The following LY75 variants were observed in gnomAD, a reference collection of about 807,000 sequenced individuals.
LY75 encodes C-type lectin domain family 13 member B.
A neutral mutation model predicts 231.7 loss-of-function variants in LY75; 185 were observed. The ratio of observed to expected loss-of-function variants is 0.80; its 90% CI spans 0.71 to 0.90. The LOEUF (loss-of-function observed/expected upper bound fraction) is 0.90, where lower values mean the gene tolerates loss of function less well. LY75 is among the 40% of genes least tolerant of loss of function. LY75 has a pLI of 0.00. For synonymous variants in LY75, 668 were observed against 689.0 expected (o/e 0.97, Z 0.48); for missense variants, 1,947 against 2,050.2 (o/e 0.95, Z 0.97).
chr2:159,844,802 TTTTTA>T (rs1684153412), intron 23 of LY75, among the ~76,000 whole-genome samples: 1 of 149,630 alleles, frequency 6.7e-6, no homozygotes, highest in African/African-American at 2.5e-5. Context: ...TTTTTTTTTT[TTTTTA>T]AATTTCAGCT....
rs779633633 is a variant in LY75 at position 159,904,568 on chromosome 2, G to A, written c.94+21C>T. On this transcript the variant is annotated intron_variant, in intron 1 of 34. Coordinates refer to ENST00000263636, the MANE Select transcript of LY75 (RefSeq NM_002349.4). ...CGTCGAGGCACCCAGCGGACTGCGG[G>A]GCTGGCGTGCCCGCGGTTACCTGCG... 20 of 1,505,612 alleles carry A rather than the reference G, an allele frequency of 1.3e-5. No homozygotes were observed. The South Asian group carries it at 2.2e-4, about 17-fold the overall frequency. 93.3% of individuals were successfully genotyped at this position (1,505,612 alleles called of 1,614,324 possible).
rs141415107 is a variant in LY75, at chr2:159,875,458, G to A, written c.1960C>T (p.Leu654Phe). 4.2e-4 allele frequency: 670 copies of A among 1,613,186 alleles called. 5 individuals carry two copies. In the South Asian group the frequency reaches 6.6e-3, roughly 16 times the overall value. ...TGTCACTTTACCTTATAACAAGAAA[G>A]ACTTGCGGGGAAACTCTGCCAGCCT... ...PEGWQSFPAS[L>F]SCYKVFHAER... is the part of the protein sequence containing the mutation. Residue 654 changes from leucine (L) to phenylalanine (F), a missense_variant, in exon 12 of 35, where the codon CTT becomes TTT. Leu to Phe is a conservative substitution (Grantham distance 22). Coordinates refer to ENST00000263636, the MANE Select transcript of LY75 (RefSeq NM_002349.4).
intron 16 of LY75, among the ~76,000 whole-genome samples, chr2:159,858,107 C>T (rs910912081): frequency 1.3e-5 from 2 of 152,114 alleles, no homozygotes; most frequent in Non-Finnish European, 2.9e-5. Context: ...ATCTAATCTC[C>T]CTGAATGAGC....
chr2:159,898,853 C>G lies in LY75; in HGVS notation c.301G>C (p.Asp101His). 1 of 1,614,196 alleles carries G rather than the reference C, an allele frequency of 6.2e-7. No homozygotes were observed. The highest frequency in any genetic ancestry group is 8.5e-7 in the Non-Finnish European group (1 of 1,180,028). The change falls in exon 2 of 35, where the codon GAC becomes CAC. Residue 101 changes from aspartate to histidine, a missense_variant. Physicochemically the swap from Asp to His is moderately conservative, Grantham distance 81. Transcript: ENST00000263636. ...SVNELRMFSC[D>H]SSAMLWWKCE... is the part of the protein sequence containing the mutation. ...TTCCACCACAGCATGGCACTGGAGT[C>G]ACAGCTGAACATTCTCAGCTCATTT...
At chr2:159,895,189 A>G (rs1489553501) in intron 2 of LY75, among the ~76,000 whole-genome samples, 1 of 152,238 alleles carries the variant, frequency 6.6e-6, no homozygotes, top group Non-Finnish European at 1.5e-5. Context: ...GAATGTAATA[A>G]GCAGACCTAT....
Position 159,872,531 on chromosome 2 carries a change from T to G in LY75, c.2037A>C (p.Gln679His), listed in dbSNP as rs759849920. 1 of 1,614,038 alleles carries G rather than the reference T, an allele frequency of 6.2e-7. No homozygotes were observed. The highest frequency in any genetic ancestry group is 1.1e-5 in the South Asian group (1 of 91,086). Residue 679 changes from glutamine to histidine, a missense_variant, in exon 13 of 35, where the codon CAA (glutamine) becomes CAC (histidine). Transcript: ENST00000263636. ...AGCTAGAAAGGTGTGCTCCAAGGGC[T>G]TGGCAGAATCGTTCAGCTTCTTCCC... ...RNWEEAERFCQALGAHLSSFS... is the reference protein window; with the variant it reads ...RNWEEAERFCHALGAHLSSFS...
chr2:159,841,995 A>G (rs149571559), intron 24 of LY75, among the ~76,000 whole-genome samples: 3 of 152,126 alleles, frequency 2.0e-5, no homozygotes, highest in Non-Finnish European at 2.9e-5. Context: ...ATTTTAAGCC[A>G]TATGATTATA....
At chr2:159,843,490 A>ATTT (rs5835770) in intron 23 of LY75, among the ~76,000 whole-genome samples, 1 of 148,764 alleles carries the variant, frequency 6.7e-6, no homozygotes, top group Non-Finnish European at 1.5e-5. Flanking sequence ...AATAATGGCC[A>ATTT]TTTTTTTTTT....
chr2:159,805,921 G>A (rs1286955324), intron 34 of LY75, among the ~76,000 whole-genome samples: 1 of 151,986 alleles, frequency 6.6e-6, no homozygotes, highest in Non-Finnish European at 1.5e-5. Flanking sequence ...CCAAAGCTCT[G>A]TATGTCTAGC....
chr2:159,886,606 TAACA>T (rs1685594168), intron 4 of LY75, 76 bp from the exon 5 acceptor site: 2 of 1,408,388 alleles, frequency 1.4e-6, no homozygotes, highest in Non-Finnish European at 1.9e-6. Flanking sequence ...ATTCTACTAA[TAACA>T]AACAAATCTG....
At chr2:159,824,852 A>T (rs1191717620) in intron 28 of LY75, among the ~76,000 whole-genome samples, 1 of 36,446 alleles carries the variant, frequency 2.7e-5, no homozygotes, top group South Asian at 4.5e-4. Flanking sequence ...CTGCTCCTGA[A>T]TGACACTGGG....
In LY75 at chr2:159,840,187, A is replaced by AAT. The variant is rs199941724; in HGVS notation, c.3507+540_3507+541dup. Among the ~76,000 whole-genome samples the AAT allele has an allele frequency of 5.7e-3, 870 of 151,892 alleles. 5 individuals carry two copies. The highest frequency in any genetic ancestry group is 0.017 in the Middle Eastern group (5 of 294). On this transcript the variant is annotated intron_variant, in intron 25 of 34. Coordinates refer to ENST00000263636, the MANE Select transcript of LY75 (RefSeq NM_002349.4). Reference sequence around the variant, plus strand: ...TAGAATAAATAAAAAGAAGTGCTCAAATATATATATATCTCCACCAGAACC... The same window carrying AAT: ...TAGAATAAATAAAAAGAAGTGCTCAAATATATATATATATCTCCACCAGAACC...
Position 159,904,750 on chromosome 2 carries a change from GCGGCC to G in LY75, c.-73_-69del. 3 of 1,337,764 alleles carry G rather than the reference GCGGCC, an allele frequency of 2.2e-6. No individual in the cohort carries two copies. In the South Asian group the frequency reaches 5.3e-5, roughly 24 times the overall value. 82.9% of individuals were successfully genotyped at this position (1,337,764 alleles called of 1,614,324 possible). On this transcript the variant is annotated 5_prime_UTR_variant, in exon 1 of 35. Coordinates refer to ENST00000263636, the MANE Select transcript of LY75 (RefSeq NM_002349.4). ...GCGGCTCCCGCCCCGCCTGCTGAGC[GCGGCC>G]TGCCCCGCCCGCACCTCTGTCTAGG...
intron 31 of LY75, 143 bp downstream of exon 31, chr2:159,815,262 A>G (rs1683089527): frequency 4.8e-6 from 5 of 1,033,212 alleles, no homozygotes; most frequent in Non-Finnish European, 6.6e-6. Context: ...CGGCCTCCCA[A>G]AGTGCTGGGA....
intron 13 of LY75, 49 bp downstream of exon 13, chr2:159,872,402 C>G: frequency 6.2e-7 from 1 of 1,602,482 alleles, no homozygotes; most frequent in Non-Finnish European, 8.5e-7. Flanking sequence ...TTTTGAATAT[C>G]TAGAGGACAT....
In LY75 at chr2:159,873,166, AGAAAAAGAG is replaced by A. The variant is rs1685070465; in HGVS notation, c.1975-582_1975-574del. On this transcript the variant is annotated intron_variant, in intron 12 of 34. Transcript: ENST00000263636. ...AAGAAGAAAGAAGAAAGAAGAAAGA[AGAAAAAGAG>A]GAGGAGGAGGAGGCAGAGGAGGAAG... 6.7e-5 allele frequency among the ~76,000 whole-genome samples: 10 copies of A among 148,210 alleles called. No individual in the cohort carries two copies. The South Asian group carries it at 1.9e-3, about 28-fold the overall frequency.
rs150194215 is a variant in LY75 at position 159,868,673 on chromosome 2, A to G, written c.2118-3753T>C. 3.8e-3 allele frequency among the ~76,000 whole-genome samples: 585 copies of G among 152,258 alleles called. 6 individuals are homozygous for G. The highest frequency in any genetic ancestry group is 0.013 in the African/African-American group (549 of 41,526). ...TTAATGGTCATTTCTATCACATATG[A>G]TATTCCAATGTTTTCTACTTATTGT... On this transcript the variant is annotated intron_variant, in intron 13 of 34. Transcript: ENST00000263636.
intron 1 of LY75, chr2:159,902,229 A>G (rs1250373728): frequency 1.3e-5 from 2 of 152,226 alleles, no homozygotes; most frequent in Non-Finnish European, 2.9e-5. Context: ...TTTACCTCCA[A>G]GTACAATATT....
chr2:159,887,105 G>T (rs1274019328), intron 4 of LY75, among the ~76,000 whole-genome samples: 1 of 146,506 alleles, frequency 6.8e-6, no homozygotes, highest in African/African-American at 2.5e-5. Flanking sequence ...ATAGACAATG[G>T]AATATATATA....
Sources: allele counts gnomAD v4.1 joint callset (sites outside exome capture counted in the v4.1 genomes callset), GRCh38; gene constraint gnomAD v4.1.1; transcripts MANE v1.5; gene names NCBI Gene and HGNC (gene_info 2026-07-23, HGNC 2026-07-21).